CAMTA1: variants seen among roughly 807,000 people sequenced by gnomAD.
The protein encoded by CAMTA1 is calmodulin binding transcription activator 1, also known as calmodulin-binding transcription activator 1.
Under a neutral mutation model 170.9 loss-of-function variants are expected in CAMTA1, and 27 were observed. The observed-to-expected ratio is 0.16, with a 90% CI of 0.12 to 0.22. The LOEUF (loss-of-function observed/expected upper bound fraction) is 0.22, where lower values mean the gene tolerates loss of function less well. Among genes scored for constraint, CAMTA1 ranks in the 10% least tolerant of loss-of-function variants. The pLI is 1.00. For synonymous variants in CAMTA1, 833 were observed against 891.5 expected (o/e 0.93, Z 1.17); for missense variants, 1,619 against 2,217.2 (o/e 0.73, Z 5.42).
intron 5 of CAMTA1, among the ~76,000 whole-genome samples, chr1:7,274,682 G>A (rs1338714452): frequency 6.6e-6 from 1 of 152,050 alleles, no homozygotes. Context: ...ACTATATACT[G>A]TGTCATAAAA....
chr1:7,180,130 G>C (rs1260094593), intron 4 of CAMTA1, among the ~76,000 whole-genome samples: 3 of 152,156 alleles, frequency 2.0e-5, no homozygotes, highest in African/African-American at 7.2e-5. Context: ...ACTTTGGGAG[G>C]CTGAGGCGGG....
intron 6 of CAMTA1, among the ~76,000 whole-genome samples, chr1:7,544,849 C>T (rs1437416496): frequency 6.6e-6 from 1 of 152,146 alleles, no homozygotes; most frequent in Non-Finnish European, 1.5e-5. Flanking sequence ...AGAAGCCAGA[C>T]TCTTTAACAA....
chr1:7,017,185 C>A (rs574529344), intron 3 of CAMTA1, among the ~76,000 whole-genome samples: 1 of 152,314 alleles, frequency 6.6e-6, no homozygotes, highest in Admixed American at 6.5e-5. Flanking sequence ...ATGAAACAGG[C>A]CCCAGACTGG....
intron 5 of CAMTA1, among the ~76,000 whole-genome samples, chr1:7,466,257 A>T (rs1462859333): frequency 6.6e-6 from 1 of 152,244 alleles, no homozygotes; most frequent in Non-Finnish European, 1.5e-5. Flanking sequence ...GTCAAGAAAG[A>T]ATATTGCTTT....
At chr1:6,813,173 G>A (rs1645383563) in intron 1 of CAMTA1, among the ~76,000 whole-genome samples, 2 of 152,246 alleles carry the variant, frequency 1.3e-5, no homozygotes, top group South Asian at 4.1e-4. Flanking sequence ...TTTTTGTACT[G>A]TAGCACATAA....
chr1:7,524,662 C>T lies in CAMTA1; in HGVS notation c.510+56761C>T, dbSNP rs138699597. ...ATAATTTCCTGCTATTCCTGACTTG[C>T]TGAGAGCAGTTCCCTCATTTGTTAA... On this transcript the variant is annotated intron_variant, in intron 6 of 22. Transcript: ENST00000303635. Among the ~76,000 whole-genome samples the T allele has an allele frequency of 7.4e-4, 113 of 152,250 alleles. 1 individual carries two copies. The East Asian group carries it at 0.019, about 25-fold the overall frequency.
intron 4 of CAMTA1, 104 bp downstream of exon 4, chr1:7,091,475 AT>A: frequency 2.3e-6 from 2 of 866,152 alleles, no homozygotes; most frequent in South Asian, 2.7e-5. Context: ...CGAGTTGAAA[AT>A]GCCATGTTGT....
intron 5 of CAMTA1, among the ~76,000 whole-genome samples, chr1:7,387,232 C>T (rs949315291): frequency 5.9e-5 from 9 of 152,080 alleles, no homozygotes; most frequent in African/African-American, 9.7e-5. Context: ...CAGGCTTGGA[C>T]CCTACCCTGC....
At chr1:7,344,743 CAA>C in intron 5 of CAMTA1, among the ~76,000 whole-genome samples, 1 of 141,290 alleles carries the variant, frequency 7.1e-6, no homozygotes, top group South Asian at 2.2e-4. Context: ...CTTTCCTGCT[CAA>C]GTCTTTTTTT....
At chr1:7,180,461 A>G (rs540412930) in intron 4 of CAMTA1, among the ~76,000 whole-genome samples, 30 of 151,518 alleles carry the variant, frequency 2.0e-4, no homozygotes, top group Middle Eastern at 6.4e-3. Context: ...ACCAATTTCC[A>G]TAAAAGATCT....
At chr1:7,306,722 G>C (rs1428330230) in intron 5 of CAMTA1, among the ~76,000 whole-genome samples, 1 of 151,766 alleles carries the variant, frequency 6.6e-6, no homozygotes, top group Non-Finnish European at 1.5e-5. Context: ...GATCACTTTG[G>C]GGGAAACTGG....
chr1:6,952,103 A>G (rs538443412), intron 3 of CAMTA1, among the ~76,000 whole-genome samples: 1 of 152,262 alleles, frequency 6.6e-6, no homozygotes, highest in East Asian at 1.9e-4. Flanking sequence ...GAAGGAAAAC[A>G]ATACTGGGTG....
intron 4 of CAMTA1, among the ~76,000 whole-genome samples, chr1:7,117,532 G>T (rs999359226): frequency 3.1e-4 from 47 of 152,094 alleles, no homozygotes; most frequent in Non-Finnish European, 5.3e-4. Context: ...AACCACTCCT[G>T]CCATGGATGA....
At chr1:7,244,057 C>A (rs1355200272) in intron 4 of CAMTA1, among the ~76,000 whole-genome samples, 1 of 152,074 alleles carries the variant, frequency 6.6e-6, no homozygotes, top group East Asian at 1.9e-4. Context: ...AAAAACAAAC[C>A]ACCCCATCAA....
intron 5 of CAMTA1, among the ~76,000 whole-genome samples, chr1:7,348,471 G>C (rs188384846): frequency 6.6e-6 from 1 of 152,312 alleles, no homozygotes; most frequent in East Asian, 1.9e-4. Context: ...ACAGCAGGAT[G>C]GGGCTGTGGT....
At chr1:7,361,672 G>C (rs2085550430) in intron 5 of CAMTA1, among the ~76,000 whole-genome samples, 1 of 152,312 alleles carries the variant, frequency 6.6e-6, no homozygotes, top group Admixed American at 6.5e-5. Context: ...TGGAAGGTTG[G>C]GGGTACATTA....
At chr1:7,602,319 G>C (rs1450527998) in intron 6 of CAMTA1, among the ~76,000 whole-genome samples, 2 of 151,742 alleles carry the variant, frequency 1.3e-5, no homozygotes, top group Non-Finnish European at 2.9e-5. Context: ...ATTAATTATT[G>C]CCTCAATTTC....
intron 6 of CAMTA1, among the ~76,000 whole-genome samples, chr1:7,620,652 C>T (rs550914284): frequency 1.3e-4 from 20 of 152,126 alleles, no homozygotes; most frequent in African/African-American, 4.1e-4. Context: ...TGTCTGTATC[C>T]GCCCAGCACT....
intron 4 of CAMTA1, among the ~76,000 whole-genome samples, chr1:7,165,817 T>C (rs1648283373): frequency 6.6e-6 from 1 of 152,228 alleles, no homozygotes; most frequent in South Asian, 2.1e-4. Context: ...TTTGCAGATT[T>C]TAAAAGTTTA....
Sources: allele counts gnomAD v4.1 joint callset (sites outside exome capture counted in the v4.1 genomes callset), GRCh38; gene constraint gnomAD v4.1.1; transcripts MANE v1.5; gene names NCBI Gene and HGNC (gene_info 2026-07-23, HGNC 2026-07-21).